Variants in NAPA observed in about 807,000 individuals in gnomAD.
NAPA encodes NSF attachment protein alpha.
NAPA carries 18 observed loss-of-function variants against 48.0 expected under a neutral mutation model. The observed-to-expected ratio is 0.38, with a 90% CI of 0.26 to 0.56. The LOEUF (loss-of-function observed/expected upper bound fraction) is 0.56, where lower values mean the gene tolerates loss of function less well. Ranked by LOEUF, NAPA falls within the 20% of genes least tolerant of loss-of-function variation. The probability of loss-of-function intolerance (pLI) is 0.77; values close to 1 mark genes in which losing one functional copy is unlikely to be tolerated. For missense variants in NAPA, 315 were observed against 385.0 expected (o/e 0.82, Z 1.52); for synonymous variants, 152 against 149.9 (o/e 1.01, Z -0.10).
At chr19:47,491,464 T>TA (rs201265290) in intron 8 of NAPA, 2,270 of 153,922 alleles carry the variant, frequency 0.015, 41 homozygotes, top group Middle Eastern at 0.058. Flanking sequence ...CAGGCAATGG[T>TA]AAAAAAACTC....
intron 3 of NAPA, among the ~76,000 whole-genome samples, chr19:47,498,870 G>A (rs1005841309): frequency 2.4e-4 from 37 of 152,252 alleles, no homozygotes; most frequent in Admixed American, 5.2e-4. Flanking sequence ...TCAACACCAC[G>A]TCCCCAGGGC....
At chr19:47,505,297 T>TC (rs1290026895) in intron 1 of NAPA, 1 of 152,116 alleles carries the variant, frequency 6.6e-6, no homozygotes, top group Non-Finnish European at 1.5e-5. Flanking sequence ...ATCCTCACCA[T>TC]CCCATCCCAC....
chr19:47,484,927 T>C (rs1361085424), downstream of NAPA, among the ~76,000 whole-genome samples: 1 of 152,098 alleles, frequency 6.6e-6, no homozygotes, highest in Non-Finnish European at 1.5e-5. Context: ...CTGGACCTCC[T>C]GACCTCAGGT....
At chr19:47,503,299 C>T (rs1041100536) in intron 2 of NAPA, 124 bp downstream of exon 2, 18 of 865,700 alleles carry the variant, frequency 2.1e-5, no homozygotes, top group Non-Finnish European at 2.9e-5. Flanking sequence ...AGTGGCTTTC[C>T]GATGCCGGAG....
intron 1 of NAPA, among the ~76,000 whole-genome samples, chr19:47,511,811 A>G (rs903115880): frequency 6.6e-6 from 1 of 152,212 alleles, no homozygotes; most frequent in Non-Finnish European, 1.5e-5. Context: ...CCAGGGTCTG[A>G]GTCAGAGCGA....
At chr19:47,494,512 T>C (rs1306833671) in intron 4 of NAPA, among the ~76,000 whole-genome samples, 2 of 151,738 alleles carry the variant, frequency 1.3e-5, no homozygotes, top group Non-Finnish European at 2.9e-5. Context: ...CCAAGGCAGG[T>C]GGATCACTTG....
At chr19:47,511,210 T>C (rs895724146) in intron 1 of NAPA, among the ~76,000 whole-genome samples, 8 of 152,178 alleles carry the variant, frequency 5.3e-5, no homozygotes, top group Non-Finnish European at 1.0e-4. Context: ...ACCAAGGACC[T>C]TGAATAAAGG....
intron 8 of NAPA, among the ~76,000 whole-genome samples, chr19:47,491,634 G>A (rs1599893627): frequency 6.6e-6 from 1 of 152,314 alleles, no homozygotes; most frequent in South Asian, 2.1e-4. Context: ...CAAAGATCTG[G>A]AACACTGGGG....
At chr19:47,485,463 A>G (rs1055699703), downstream of NAPA, among the ~76,000 whole-genome samples, 5 of 152,146 alleles carry the variant, frequency 3.3e-5, no homozygotes, top group African/African-American at 1.2e-4. Flanking sequence ...AGGTTTGGGT[A>G]CTATGTGCAC....
intron 1 of NAPA, among the ~76,000 whole-genome samples, chr19:47,504,397 C>CAAAAAAAAAA (rs11367620): frequency 7.0e-5 from 4 of 57,208 alleles, no homozygotes; most frequent in East Asian, 5.1e-4. Context: ...GACCTTGTCT[C>CAAAAAAAAAA]AAAAAAAAAA....
intron 1 of NAPA, among the ~76,000 whole-genome samples, chr19:47,508,210 A>G (rs562194760): frequency 6.6e-6 from 1 of 152,340 alleles, no homozygotes; most frequent in Admixed American, 6.5e-5. Context: ...AGAAAAAGTT[A>G]AGGCTGCCTG....
Position 47,490,852 on chromosome 19 carries a change from G to C in NAPA, c.671C>G (p.Ala224Gly). Residue 224 changes from alanine to glycine, a missense_variant, in exon 9 of 11, where the codon GCT becomes GGT. Physicochemically the swap from Ala to Gly is moderately conservative, Grantham distance 60 (BLOSUM62 0). This residue lies in a region of NAPA where 137 missense variants were observed against 150.1 expected (regional missense o/e 0.91). Coordinates refer to ENST00000263354, the MANE Select transcript of NAPA (RefSeq NM_003827.4). ...FCIDMLNAKL[A>G]VQKYEELFPA... The stretch of plus-strand genomic sequence containing the variant: ...GAACAGCTCCTCATACTTTTGGACA[G>C]CCAGCTGGGCAGCAGGGAAGGGAGA... 1 of 1,613,368 alleles carries C rather than the reference G, an allele frequency of 6.2e-7. No homozygotes were observed. Among genetic ancestry groups the C allele is most frequent in the Admixed American group, 1.7e-5 (1 of 59,932 alleles).
downstream of NAPA, among the ~76,000 whole-genome samples, chr19:47,487,322 C>T (rs1180627144): frequency 1.3e-5 from 2 of 152,236 alleles, no homozygotes; most frequent in Non-Finnish European, 2.9e-5. Flanking sequence ...CCGTCACATT[C>T]GACCCTCCCA....
At chr19:47,489,530 C>T in intron 10 of NAPA, 181 bp downstream of exon 10, 1 of 683,894 alleles carries the variant, frequency 1.5e-6, no homozygotes, top group Non-Finnish European at 2.5e-6. Flanking sequence ...ATGGGGAGAA[C>T]ACTCCCTGCG....
chr19:47,489,839 T>C (rs939752377), intron 9 of NAPA, 78 bp from the exon 10 acceptor site: 5 of 1,485,278 alleles, frequency 3.4e-6, no homozygotes, highest in Non-Finnish European at 4.7e-6. Flanking sequence ...AAGGACACGC[T>C]ATCTGTATGC....
Position 47,493,318 on chromosome 19 carries a change from T to A in NAPA, c.420+98A>T. On this transcript the variant is annotated intron_variant, in intron 5 of 10. Transcript: ENST00000263354. The surrounding 1 kb of genome is among the most constrained non-coding windows in gnomAD (Gnocchi z 6.4). ...GCTCTGCCGGCGCCCCATGCCCCCT[T>A]CTCGGCACTCAGACACCAGAGGACT... The A allele has an allele frequency of 6.6e-7, 1 of 1,515,242 alleles. No individual in the cohort carries two copies. The highest frequency in any genetic ancestry group is 9.1e-7 in the Non-Finnish European group (1 of 1,098,706). 93.9% of individuals were successfully genotyped at this position (1,515,242 alleles called of 1,614,324 possible).
chr19:47,488,138 C>T lies in NAPA; in HGVS notation c.*150G>A. ...GGCCAGCAGCCTGGGCCTCTGGCGC[C>T]CCTGCATGCTGACCCCCGGTGCCAC... is the stretch of plus-strand genomic sequence containing the variant. On this transcript the variant is annotated 3_prime_UTR_variant, in exon 11 of 11. Coordinates refer to ENST00000263354, the MANE Select transcript of NAPA (RefSeq NM_003827.4). The T allele has an allele frequency of 3.1e-6, 2 of 651,094 alleles. No individual in the cohort carries two copies. Among genetic ancestry groups the T allele is most frequent in the South Asian group, 3.7e-5 (2 of 53,944 alleles). The allele number at this position is 651,094 out of a possible 1,614,324, so 40.3% of individuals were successfully genotyped here.
At chr19:47,513,135 C>T (rs186834057) in intron 1 of NAPA, among the ~76,000 whole-genome samples, 29 of 152,300 alleles carry the variant, frequency 1.9e-4, no homozygotes, top group Non-Finnish European at 3.2e-4. Context: ...CCCACACCAC[C>T]GCCCCCTGCC....
In NAPA at chr19:47,505,417, C is replaced by T. The variant is rs548422142; in HGVS notation, c.99-1915G>A. ...GAGCTGGGATGTGAGCATTCCTTCC[C>T]TCTGCACTGCGGATTCAGTGTGTCC... is the stretch of plus-strand genomic sequence containing the variant. On this transcript the variant is annotated intron_variant, in intron 1 of 10. Coordinates refer to ENST00000263354, the MANE Select transcript of NAPA (RefSeq NM_003827.4). 3 of 152,356 alleles carry T rather than the reference C, an allele frequency of 2.0e-5. No homozygotes were observed. The East Asian group carries it at 5.8e-4, about 29-fold the overall frequency. 9.4% of individuals were successfully genotyped at this position (152,356 alleles called of 1,614,324 possible). A position where few individuals can be genotyped will look rare whatever the true frequency, so the allele number is the denominator to read the frequency against.
Sources: gnomAD v4.1 joint callset for allele counts (sites outside exome capture counted in the v4.1 genomes callset) on GRCh38, gnomAD v4.1.1 for gene constraint, gnomAD v4.1.1 regional missense constraint, Gnocchi (gnomAD v3.1) non-coding constraint, MANE v1.5 for transcripts, NCBI Gene and HGNC (gene_info 2026-07-23, HGNC 2026-07-21) for gene names.